MMP16: variants seen among roughly 807,000 people sequenced by gnomAD.
MMP16 encodes matrix metallopeptidase 16, also known as matrix metalloproteinase-16.
A neutral mutation model predicts 67.8 loss-of-function variants in MMP16; 12 were observed. The ratio of observed to expected loss-of-function variants is 0.18; its 90% CI spans 0.11 to 0.29. MMP16 has a LOEUF of 0.29. Among genes scored for constraint, MMP16 ranks in the 10% least tolerant of loss-of-function variants. The pLI is 1.00. For synonymous variants in MMP16, 249 were observed against 255.9 expected, an observed-to-expected ratio of 0.97 and a Z score of 0.26; for missense variants, 475 against 765.7, an observed-to-expected ratio of 0.62 and a Z score of 4.48.
chr8:88,154,935 C>T (rs1206717993), intron 4 of MMP16, among the ~76,000 whole-genome samples: 58 of 150,854 alleles, frequency 3.8e-4, no homozygotes, highest in Admixed American at 3.8e-3. Context: ...TAAAATTCTG[C>T]TTTTCTTATG....
At position 88,056,847 on chromosome 8, in the gene MMP16, G is replaced by A. The variant is rs139513004; in HGVS notation, c.1223-569C>T. ...TAACTCTATTCATGTCTTTAAGAGTGGTAACTGAGGGGAGGAAAATTTTAA... is the reference window on the plus strand; with the variant it reads ...TAACTCTATTCATGTCTTTAAGAGTAGTAACTGAGGGGAGGAAAATTTTAA... On this transcript the variant is annotated intron_variant, in intron 7 of 9. Transcript: ENST00000286614. 4.7e-3 allele frequency among the ~76,000 whole-genome samples: 718 copies of A among 152,196 alleles called. 1 individual carries two copies. The highest frequency in any genetic ancestry group is 0.017 in the African/African-American group (694 of 41,508).
At chr8:88,088,084 A>ATATATCATAGATATCTATATATC (rs1808871562) in intron 6 of MMP16, among the ~76,000 whole-genome samples, 1 of 113,764 alleles carries the variant, frequency 8.8e-6, no homozygotes, top group African/African-American at 3.5e-5. Context: ...CTATATATCT[A>ATATATCATAGATATCTATATATC]TATATAATAG....
At chr8:88,118,620 A>G in intron 5 of MMP16, 80 bp downstream of exon 5, 1 of 1,269,502 alleles carries the variant, frequency 7.9e-7, no homozygotes, top group Non-Finnish European at 1.1e-6. Context: ...TACTTAGAGC[A>G]TCTATCTCAA....
At chr8:88,300,354 T>C (rs565028918) in intron 1 of MMP16, among the ~76,000 whole-genome samples, 6 of 152,336 alleles carry the variant, frequency 3.9e-5, no homozygotes, top group African/African-American at 1.4e-4. Flanking sequence ...TGAAAAATTC[T>C]AGAATAACCA....
intron 1 of MMP16, among the ~76,000 whole-genome samples, chr8:88,236,319 G>A (rs556811513): frequency 6.6e-6 from 1 of 152,348 alleles, no homozygotes; most frequent in Admixed American, 6.5e-5. Context: ...TTAGGTTTCT[G>A]TGAGGTTCAA....
chr8:88,183,712 C>CTTTTTTTT (rs71277981), intron 3 of MMP16, among the ~76,000 whole-genome samples: 39 of 92,092 alleles, frequency 4.2e-4, no homozygotes, highest in East Asian at 1.0e-3. Flanking sequence ...AAATGTCCTT[C>CTTTTTTTT]TTTTTTTTTT....
chr8:88,089,833 A>T (rs1808903696), intron 6 of MMP16, among the ~76,000 whole-genome samples: 1 of 152,022 alleles, frequency 6.6e-6, no homozygotes, highest in Admixed American at 6.6e-5. Flanking sequence ...TGCTAAGTGA[A>T]CAAAACCATA....
At chr8:88,088,061 A>G (rs1391198417) in intron 6 of MMP16, among the ~76,000 whole-genome samples, 1 of 101,720 alleles carries the variant, frequency 9.8e-6, no homozygotes, top group African/African-American at 4.0e-5. Flanking sequence ...TTATATCTAT[A>G]TATAATAGAT....
chr8:88,306,092 T>A, intron 1 of MMP16, among the ~76,000 whole-genome samples: 1 of 149,850 alleles, frequency 6.7e-6, no homozygotes. Flanking sequence ...GAATTAGAAA[T>A]GATAAGGGGG....
rs1282625146 is a variant in MMP16, at chr8:88,327,062, C to G, written c.132+13G>C. ...AGGCAGCGGGGGGAGGAAGAAAGCC[C>G]TCGCACTCTTACCTCCACATTGAAA... On this transcript the variant is annotated intron_variant, in intron 1 of 9. Transcript: ENST00000286614. 5 of 1,613,444 alleles carry G rather than the reference C, an allele frequency of 3.1e-6. No homozygotes were observed. The highest frequency in any genetic ancestry group is 4.2e-6 in the Non-Finnish European group (5 of 1,179,690).
intron 1 of MMP16, among the ~76,000 whole-genome samples, chr8:88,288,078 T>A (rs1227710870): frequency 1.3e-5 from 2 of 152,186 alleles, no homozygotes; most frequent in African/African-American, 4.8e-5. Context: ...GCACACCACT[T>A]TGACAATACT....
chr8:88,046,174 A>G (rs1051254686), intron 9 of MMP16, among the ~76,000 whole-genome samples: 5 of 152,198 alleles, frequency 3.3e-5, no homozygotes, highest in Middle Eastern at 6.8e-3. Context: ...TCCTGTTATT[A>G]TACCATCATA....
chr8:88,101,192 G>A (rs184713884), intron 6 of MMP16, among the ~76,000 whole-genome samples: 1 of 151,876 alleles, frequency 6.6e-6, no homozygotes. Flanking sequence ...GCTCAACAGT[G>A]GAGTCATACA....
chr8:88,326,915 C>A (rs1370432197), intron 1 of MMP16, 160 bp downstream of exon 1: 2 of 854,876 alleles, frequency 2.3e-6, no homozygotes, highest in African/African-American at 3.4e-5. Context: ...CATCCGTCAC[C>A]TAAAACACCC....
intron 4 of MMP16, among the ~76,000 whole-genome samples, chr8:88,147,783 G>C (rs1397570472): frequency 6.6e-6 from 1 of 151,660 alleles, no homozygotes; most frequent in East Asian, 1.9e-4. Context: ...GTGTTTGTGT[G>C]TGTGTGTGTG....
chr8:88,296,944 T>A (rs775688076), intron 1 of MMP16, among the ~76,000 whole-genome samples: 1 of 151,058 alleles, frequency 6.6e-6, no homozygotes, highest in Non-Finnish European at 1.5e-5. Flanking sequence ...AATTAAATAA[T>A]AAAAAAAAGC....
At chr8:88,119,883 A>C (rs2118439258) in intron 4 of MMP16, among the ~76,000 whole-genome samples, 1 of 152,176 alleles carries the variant, frequency 6.6e-6, no homozygotes, top group East Asian at 1.9e-4. Flanking sequence ...AATATTTAAT[A>C]ATTTCAAGCA....
intron 6 of MMP16, among the ~76,000 whole-genome samples, chr8:88,110,523 T>TA (rs1474217679): frequency 1.3e-5 from 2 of 151,580 alleles, no homozygotes; most frequent in Non-Finnish European, 3.0e-5. Context: ...CTAGACCCAA[T>TA]TACAACATGC....
intron 1 of MMP16, among the ~76,000 whole-genome samples, chr8:88,262,846 CAAAAAAAAAAAA>C (rs71277991): frequency 5.8e-4 from 31 of 53,470 alleles, no homozygotes; most frequent in African/African-American, 1.4e-3. Context: ...ACTAAAAATA[CAAAAAAAAAAAA>C]AAAAAAAAAA....
Sources: allele counts gnomAD v4.1 joint callset (sites outside exome capture counted in the v4.1 genomes callset), GRCh38; gene constraint gnomAD v4.1.1; transcripts MANE v1.5; gene names NCBI Gene and HGNC (gene_info 2026-07-23, HGNC 2026-07-21).